The following CD72 variants were observed in gnomAD, a reference collection of about 807,000 sequenced individuals.
CD72 encodes the protein B-cell differentiation antigen CD72.
CD72 carries 28 observed loss-of-function variants against 50.7 expected under a neutral mutation model. The observed-to-expected ratio is 0.55, with a 90% CI of 0.41 to 0.76. The LOEUF (loss-of-function observed/expected upper bound fraction) is 0.76, where lower values mean the gene tolerates loss of function less well. Among genes scored for constraint, CD72 ranks in the 30% least tolerant of loss-of-function variants. The pLI, the probability that CD72 is intolerant of heterozygous loss-of-function variation, is 0.00. For missense variants in CD72, 403 were observed against 420.6 expected (o/e 0.96, Z 0.37); for synonymous variants, 176 against 171.2 (o/e 1.03, Z -0.22).
chr9:35,613,054 TC>T (rs2131757571), intron 5 of CD72, 61 bp from the exon 6 acceptor site: 1 of 1,407,810 alleles, frequency 7.1e-7, no homozygotes, highest in East Asian at 2.3e-5. Flanking sequence ...TACTCAGCAA[TC>T]TTTTGCTAAC....
At chr9:35,621,131 CT>C (rs1823143866), upstream of CD72, among the ~76,000 whole-genome samples, 1 of 152,214 alleles carries the variant, frequency 6.6e-6, no homozygotes, top group South Asian at 2.1e-4. Flanking sequence ...CAAGCTGTAC[CT>C]CTACTGCCCA....
Position 35,638,988 on chromosome 9 carries a change from G to A in CD72, n.408+7415C>T, listed in dbSNP as rs563658636. On this transcript the variant is annotated intron_variant and non_coding_transcript_variant, in intron 1 of 3. Transcript: ENST00000465754. ...GGCAGCAACCCTTAGACGCTTTACC[G>A]CCCTAGACCCAGAGGGGCCGGAAGG... 6.6e-5 allele frequency among the ~76,000 whole-genome samples: 10 copies of A among 151,418 alleles called. 1 individual carries two copies. In the South Asian group the frequency reaches 1.3e-3, roughly 19 times the overall value.
chr9:35,633,337 T>C (rs1047843548), intron 1 of CD72, among the ~76,000 whole-genome samples: 1 of 152,066 alleles, frequency 6.6e-6, no homozygotes, highest in Non-Finnish European at 1.5e-5. Flanking sequence ...CTTATTCTTT[T>C]CATAATTTCT....
At chr9:35,636,378 C>T (rs1364353157) in intron 1 of CD72, among the ~76,000 whole-genome samples, 2 of 151,564 alleles carry the variant, frequency 1.3e-5, no homozygotes, top group African/African-American at 4.9e-5. Flanking sequence ...GTCACAAGAC[C>T]GAAGAGGAAA....
chr9:35,640,574 C>T (rs779267964), intron 1 of CD72, among the ~76,000 whole-genome samples: 2 of 152,238 alleles, frequency 1.3e-5, no homozygotes, highest in Non-Finnish European at 2.9e-5. Context: ...TTAGCACGAT[C>T]GGGAGTGGCA....
At position 35,612,990 on chromosome 9, in the gene CD72, G is replaced by A. The variant is rs369861029; in HGVS notation, c.692C>T (p.Thr231Ile). 1.2e-6 allele frequency: 2 copies of A among 1,608,354 alleles called. No individual in the cohort carries two copies. The highest frequency in any genetic ancestry group is 8.5e-7 in the Non-Finnish European group (1 of 1,176,258). The stretch of plus-strand genomic sequence containing the variant: ...CATTATCCATCCCGACGGACAGCAG[G>A]TGTCTAAAAAGCAGAAAGAGTGTGA... ...KPFFTCGSAD[T>I]CCPSGWIMHQ... The change falls in exon 6 of 9, where the codon ACC (threonine) becomes ATC (isoleucine). Residue 231 changes from threonine to isoleucine, a missense_variant. Physicochemically the swap from Thr to Ile is moderately conservative, Grantham distance 89. Transcript: ENST00000259633.
chr9:35,636,929 T>G (rs1823296184), intron 1 of CD72, among the ~76,000 whole-genome samples: 1 of 152,116 alleles, frequency 6.6e-6, no homozygotes, highest in African/African-American at 2.4e-5. Context: ...AAATAGCCAG[T>G]TCCTGCCTTA....
At chr9:35,640,173 G>A (rs1186006083) in intron 1 of CD72, among the ~76,000 whole-genome samples, 1 of 152,254 alleles carries the variant, frequency 6.6e-6, no homozygotes, top group Non-Finnish European at 1.5e-5. Flanking sequence ...AGTTAGTGCA[G>A]ACTCCATAAG....
intron 1 of CD72, among the ~76,000 whole-genome samples, chr9:35,626,015 G>A (rs1341905655): frequency 6.6e-6 from 1 of 151,922 alleles, no homozygotes; most frequent in Non-Finnish European, 1.5e-5. Context: ...TGTAGCCCGT[G>A]GGTCAAGAAG....
intron 1 of CD72, among the ~76,000 whole-genome samples, chr9:35,641,185 C>CA (rs1051029617): frequency 1.2e-4 from 18 of 151,482 alleles, no homozygotes; most frequent in Non-Finnish European, 2.7e-4. Flanking sequence ...GAGATTTCCT[C>CA]GGGGGGGGTG....
At chr9:35,611,103 T>G (rs1009060456) in intron 7 of CD72, among the ~76,000 whole-genome samples, 11 of 152,082 alleles carry the variant, frequency 7.2e-5, no homozygotes, top group South Asian at 2.1e-4. Flanking sequence ...TACAAAAAAT[T>G]AGCCGGGCAT....
At position 35,616,200 on chromosome 9, in the gene CD72, C is replaced by T. The variant is rs571917444; in HGVS notation, c.431G>A (p.Arg144His). The T allele has an allele frequency of 1.8e-5, 29 of 1,614,132 alleles. No individual in the cohort carries two copies. The highest frequency in any genetic ancestry group is 1.3e-4 in the East Asian group (6 of 44,866). ...CTGTCCCAGCTGCGTTATCTTGAGG[C>T]GGAGCTGCTGCCTCAGGCTGCTGTT... Reference protein sequence around the residue: ...VTNSSLRQQLRLKITQLGQSA... With the variant: ...VTNSSLRQQLHLKITQLGQSA... Residue 144 changes from arginine to histidine, a missense_variant, in exon 5 of 9, where the codon CGC (arginine) becomes CAC (histidine). By Grantham distance (29) the Arg-to-His change is conservative (BLOSUM62 0). Coordinates refer to ENST00000259633, the MANE Select transcript of CD72 (RefSeq NM_001782.3).
chr9:35,618,578 T>A, upstream of CD72: 1 of 709,822 alleles, frequency 1.4e-6, no homozygotes, highest in South Asian at 1.6e-5. Context: ...GATGGGCCTG[T>A]CCCCATGTCC....
At chr9:35,630,618 G>A (rs1175969867) in intron 1 of CD72, among the ~76,000 whole-genome samples, 2 of 152,158 alleles carry the variant, frequency 1.3e-5, no homozygotes, top group South Asian at 2.1e-4. Context: ...ATGAGTAAAT[G>A]TATGTACCAT....
At chr9:35,630,082 C>T (rs936499213) in intron 1 of CD72, among the ~76,000 whole-genome samples, 1 of 150,062 alleles carries the variant, frequency 6.7e-6, no homozygotes, top group African/African-American at 2.5e-5. Flanking sequence ...TGTCGCCGCC[C>T]AGGCTGGAGT....
chr9:35,624,901 C>T (rs949441477), intron 1 of CD72, among the ~76,000 whole-genome samples: 5 of 152,262 alleles, frequency 3.3e-5, no homozygotes, highest in East Asian at 1.9e-4. Flanking sequence ...ACCTATAAGA[C>T]ATTGAACTTA....
chr9:35,624,800 T>C (rs978697558), intron 1 of CD72, among the ~76,000 whole-genome samples: 22 of 152,252 alleles, frequency 1.4e-4, no homozygotes, highest in Non-Finnish European at 5.9e-5. Flanking sequence ...TATTTCAAAC[T>C]TTTTTCATTA....
Position 35,616,135 on chromosome 9 carries a change from G to T in CD72, c.496C>A (p.Gln166Lys), listed in dbSNP as rs1226375778. The T allele has an allele frequency of 6.2e-7, 1 of 1,613,992 alleles. No individual in the cohort carries two copies. Among genetic ancestry groups the T allele is most frequent in the South Asian group, 1.1e-5 (1 of 91,088 alleles). The change falls in exon 5 of 9, where the codon CAG becomes AAG. Residue 166 changes from glutamine to lysine, a missense_variant. Physicochemically the swap from Gln to Lys is moderately conservative, Grantham distance 53. Transcript: ENST00000259633. ...DLQGSRRELA[Q>K]SQEALQVEQR... ...TCCACCTGTAGTGCTTCCTGACTCTGCGCCAGCTCTCTCCTGGACCCCTGC... is the reference window on the plus strand; with the variant it reads ...TCCACCTGTAGTGCTTCCTGACTCTTCGCCAGCTCTCTCCTGGACCCCTGC...
intron 1 of CD72, among the ~76,000 whole-genome samples, chr9:35,643,876 G>A (rs1490578255): frequency 2.0e-5 from 3 of 151,996 alleles, no homozygotes; most frequent in Non-Finnish European, 2.9e-5. Flanking sequence ...TACTCCAGAG[G>A]TTGGGAGGCT....
Sources: gnomAD v4.1 joint callset for allele counts (sites outside exome capture counted in the v4.1 genomes callset) on GRCh38, gnomAD v4.1.1 for gene constraint, MANE v1.5 for transcripts, NCBI Gene and HGNC (gene_info 2026-07-23, HGNC 2026-07-21) for gene names.